HSF1: variants seen among roughly 807,000 people sequenced by gnomAD.
The protein encoded by HSF1 is heat shock transcription factor 1, also known as heat shock factor protein 1.
In HSF1, 32 loss-of-function variants were observed where a neutral mutation model predicts 51.7. The ratio of observed to expected loss-of-function variants is 0.62; its 90% confidence interval spans 0.47 to 0.83. HSF1 has a LOEUF of 0.83. HSF1 is among the 40% of genes least tolerant of loss of function. The pLI, the probability that HSF1 is intolerant of heterozygous loss-of-function variation, is 0.00. For synonymous variants in HSF1, 396 were observed against 309.7 expected (o/e 1.28, Z -2.92); for missense variants, 727 against 717.0 (o/e 1.01, Z -0.16).
At position 144,311,944 on chromosome 8, in the gene HSF1, T is replaced by C. The variant is rs1816695442; in HGVS notation, c.861-19T>C. On this transcript the variant is annotated intron_variant, in intron 8 of 12. Transcript: ENST00000528838. ...GGGCTGGCCGAGACGCCAGCTCACC[T>C]GGCCCCCCTCGTGTGCAGGCCCCTA... The C allele has an allele frequency of 1.3e-6, 2 of 1,581,316 alleles. No homozygotes were observed. Among genetic ancestry groups the C allele is most frequent in the South Asian group, 1.1e-5 (1 of 88,580 alleles).
In HSF1 at chr8:144,310,674, C is replaced by T. The variant is rs781843535; in HGVS notation, c.489-500C>T. On this transcript the variant is annotated intron_variant, in intron 4 of 12. Coordinates refer to ENST00000528838, the MANE Select transcript of HSF1 (RefSeq NM_005526.4). ...GCCCAGCCTCCCAGAGCAGCAGGAG[C>T]GCGGTCATGGCCCTGCTCACCTGGC... 3 of 177,218 alleles carry T rather than the reference C, an allele frequency of 1.7e-5. No individual in the cohort carries two copies. In the East Asian group the frequency reaches 4.4e-4, roughly 26 times the overall value. The allele number at this position is 177,218 out of a possible 1,614,324, so 11.0% of individuals were successfully genotyped here. A position where few individuals can be genotyped will look rare whatever the true frequency, so the allele number is the denominator to read the frequency against.
At chr8:144,309,685 C>G in intron 3 of HSF1, 87 bp from the exon 4 acceptor site, 1 of 1,375,436 alleles carries the variant, frequency 7.3e-7, no homozygotes, top group Non-Finnish European at 9.8e-7. Context: ...CCTGCCCCTT[C>G]CTGAGGGACC....
chr8:144,291,638 G>A lies in HSF1; in HGVS notation c.-120G>A. On this transcript the variant is annotated 5_prime_UTR_variant, in exon 1 of 13. Transcript: ENST00000528838. This position sits in a 1 kb window ranked among gnomAD's most constrained non-coding sequence, Gnocchi z 4.1. Reference sequence around the variant, plus strand: ...ATGGCGGCGGCCATGCTGGGCCCCGGGGCTGTGTGTGCGCAGCGGGCGGCG... The same window carrying A: ...ATGGCGGCGGCCATGCTGGGCCCCGAGGCTGTGTGTGCGCAGCGGGCGGCG... The A allele has an allele frequency of 3.7e-6, 2 of 539,070 alleles. No individual in the cohort carries two copies. The highest frequency in any genetic ancestry group is 3.0e-6 in the Non-Finnish European group (1 of 338,610). The allele number at this position is 539,070 out of a possible 1,614,324, so 33.4% of individuals were successfully genotyped here.
intron 1 of HSF1, among the ~76,000 whole-genome samples, 161 bp from the exon 2 acceptor site, chr8:144,308,745 G>A (rs1378000487): frequency 1.3e-5 from 2 of 152,198 alleles, no homozygotes; most frequent in African/African-American, 4.8e-5. Flanking sequence ...TCCCAGGAAC[G>A]AACTCGCCTC....
chr8:144,308,869 C>T, intron 1 of HSF1, 37 bp from the exon 2 acceptor site: 1 of 1,557,314 alleles, frequency 6.4e-7, no homozygotes, highest in South Asian at 1.1e-5. Context: ...CTGCCCCTCA[C>T]CACCACGCGT....
At chr8:144,300,507 G>A (rs1203358322) in intron 1 of HSF1, among the ~76,000 whole-genome samples, 8 of 151,822 alleles carry the variant, frequency 5.3e-5, no homozygotes, top group African/African-American at 1.9e-4. Context: ...CACCGCGCCC[G>A]GCCTGTTGTG....
In HSF1 at chr8:144,297,331, C is replaced by G. The variant is rs1384488866; in HGVS notation, c.117+5457C>G. The stretch of plus-strand genomic sequence containing the variant: ...GGCTGCTGCTGCCTCAGCCTCCTCC[C>G]TGTGACCCTGTGGGCCATGGTGAGC... On this transcript the variant is annotated intron_variant, in intron 1 of 12. Transcript: ENST00000528838. This position sits in a 1 kb window ranked among gnomAD's most constrained non-coding sequence, Gnocchi z 4.6. 6.6e-6 allele frequency among the ~76,000 whole-genome samples: 1 copy of G among 152,202 alleles called. No individual in the cohort carries two copies. The highest frequency in any genetic ancestry group is 2.4e-5 in the African/African-American group (1 of 41,444).
chr8:144,305,611 T>C (rs782408735), intron 1 of HSF1, among the ~76,000 whole-genome samples: 24 of 150,758 alleles, frequency 1.6e-4, no homozygotes, highest in Non-Finnish European at 3.1e-4. Context: ...GGCTCCTCCT[T>C]CTTATTCCTT....
At chr8:144,305,731 T>C (rs1816175257) in intron 1 of HSF1, among the ~76,000 whole-genome samples, 6 of 133,528 alleles carry the variant, frequency 4.5e-5, no homozygotes, top group Admixed American at 3.7e-4. Context: ...TAATTTTTTT[T>C]TTTTTTTTTT....
At chr8:144,303,976 G>A (rs1190924200) in intron 1 of HSF1, among the ~76,000 whole-genome samples, 5 of 152,344 alleles carry the variant, frequency 3.3e-5, no homozygotes, top group African/African-American at 1.2e-4. Context: ...TGCTGTGGCG[G>A]GGGTAGTCTC....
In HSF1 at chr8:144,314,655, G is replaced by C; in HGVS notation, c.*325G>C. ...GTTCCCCGCTCCACAGAGATACACA[G>C]ATATATACACACAGTGGATGGACGG... On this transcript the variant is annotated 3_prime_UTR_variant, in exon 13 of 13. Transcript: ENST00000528838. The C allele has an allele frequency of 2.6e-6, 1 of 389,924 alleles. No individual in the cohort carries two copies. 24.2% of individuals were successfully genotyped at this position (389,924 alleles called of 1,614,324 possible).
chr8:144,305,723 ATTTTTTTTTTTTT>A (rs146075122), intron 1 of HSF1, among the ~76,000 whole-genome samples: 2 of 78,492 alleles, frequency 2.5e-5, no homozygotes, highest in Non-Finnish European at 4.4e-5. Context: ...CCTCTGGTTA[ATTTTTTTTTTTTT>A]TTTTTTTTTT....
chr8:144,292,639 C>T (rs565938748), intron 1 of HSF1: 2 of 152,374 alleles, frequency 1.3e-5, no homozygotes, highest in African/African-American at 4.8e-5. Context: ...AGAGCCACCG[C>T]CTGCGGCTGG....
Position 144,303,387 on chromosome 8 carries a change from C to G in HSF1, c.118-5519C>G, listed in dbSNP as rs138798559. The stretch of plus-strand genomic sequence containing the variant: ...CAAGAGCAGTCTTGGGCTGAACTTT[C>G]AAATAAAATGAGTTTCCTCAGGGAG... On this transcript the variant is annotated intron_variant, in intron 1 of 12. Coordinates refer to ENST00000528838, the MANE Select transcript of HSF1 (RefSeq NM_005526.4). Among the ~76,000 whole-genome samples the G allele has an allele frequency of 1.0e-3, 154 of 152,068 alleles. 1 individual carries two copies. Among genetic ancestry groups the G allele is most frequent in the African/African-American group, 2.9e-3 (122 of 41,556 alleles).
intron 1 of HSF1, among the ~76,000 whole-genome samples, chr8:144,301,434 A>C (rs1310337973): frequency 2.0e-5 from 3 of 151,602 alleles, no homozygotes; most frequent in Non-Finnish European, 4.4e-5. Flanking sequence ...TTATGGCCAA[A>C]ATTTTTCCCA....
intron 4 of HSF1, chr8:144,310,875 C>A: frequency 2.1e-6 from 1 of 473,644 alleles, no homozygotes; most frequent in Non-Finnish European, 3.9e-6. Context: ...TCCAAGGCAG[C>A]CCTCCAGGTG....
At chr8:144,308,589 T>C (rs1476745256) in intron 1 of HSF1, among the ~76,000 whole-genome samples, 1 of 151,656 alleles carries the variant, frequency 6.6e-6, no homozygotes, top group African/African-American at 2.4e-5. Flanking sequence ...GGATGCTTTG[T>C]GAGTGGAAAC....
chr8:144,298,695 C>T (rs1554841764), intron 1 of HSF1, among the ~76,000 whole-genome samples: 1 of 152,176 alleles, frequency 6.6e-6, no homozygotes, highest in East Asian at 1.9e-4. Context: ...TGCAGACTCA[C>T]GTGCAGAGAA....
At chr8:144,312,693 A>G (rs1554845239) in intron 9 of HSF1, 12 of 1,535,374 alleles carry the variant, frequency 7.8e-6, no homozygotes, top group Middle Eastern at 1.7e-4. Context: ...TCCTCTCCGC[A>G]TGGCCAAGTC....
Sources: gnomAD v4.1 joint callset for allele counts (sites outside exome capture counted in the v4.1 genomes callset) on GRCh38, gnomAD v4.1.1 for gene constraint, Gnocchi (gnomAD v3.1) non-coding constraint, MANE v1.5 for transcripts, NCBI Gene and HGNC (gene_info 2026-07-23, HGNC 2026-07-21) for gene names.